Variants in PACRG observed in about 807,000 individuals in gnomAD.
PACRG encodes the protein parkin coregulated gene protein.
Under a neutral mutation model 29.7 loss-of-function variants are expected in PACRG, and 29 were observed. The ratio of observed to expected loss-of-function variants is 0.98; its 90% CI spans 0.73 to 1.33. The LOEUF (loss-of-function observed/expected upper bound fraction) is 1.33. Among genes scored for constraint, PACRG ranks in the 40% most tolerant of loss-of-function variants. The pLI, the probability that PACRG is intolerant of heterozygous loss-of-function variation, is 0.00. For missense variants in PACRG, 279 were observed against 316.2 expected (o/e 0.88, Z 0.89); for synonymous variants, 116 against 118.7 (o/e 0.98, Z 0.15).
intron 1 of PACRG, among the ~76,000 whole-genome samples, chr6:162,737,257 C>T (rs1257608951): frequency 6.6e-6 from 1 of 152,122 alleles, no homozygotes; most frequent in Non-Finnish European, 1.5e-5. Context: ...ACCTCTGAAA[C>T]CTATTCATGA....
intron 4 of PACRG, among the ~76,000 whole-genome samples, chr6:163,290,276 G>GCACA (rs1451417317): frequency 1.6e-4 from 20 of 127,708 alleles, no homozygotes; most frequent in East Asian, 8.6e-4. Context: ...ACGCGCGCGC[G>GCACA]CGCACACACA....
At position 163,095,272 on chromosome 6, in the gene PACRG, C is replaced by T. The variant is rs1814467408; in HGVS notation, c.613+5864C>T. On this transcript the variant is annotated intron_variant, in intron 4 of 4. Transcript: ENST00000366888. ...TCAACCCAAATCCACTTATAAAAAGCATCAGGGGAGTGGGGTCAGTCACAA... is the reference window on the plus strand; with the variant it reads ...TCAACCCAAATCCACTTATAAAAAGTATCAGGGGAGTGGGGTCAGTCACAA... The T allele has an allele frequency of 7.1e-6, 7 of 985,186 alleles. No individual in the cohort carries two copies. The South Asian group carries it at 2.3e-4, about 33-fold the overall frequency. The allele number at this position is 985,186 out of a possible 1,614,324, so 61.0% of individuals were successfully genotyped here.
chr6:162,727,673 A>C (rs1365817382), upstream of PACRG: 1 of 1,581,270 alleles, frequency 6.3e-7, no homozygotes, highest in South Asian at 1.2e-5. Context: ...TATCATGGTC[A>C]CTGGGTAGGT....
intron 4 of PACRG, among the ~76,000 whole-genome samples, chr6:163,274,542 T>TA (rs1783956820): frequency 6.6e-6 from 1 of 152,232 alleles, no homozygotes; most frequent in South Asian, 2.1e-4. Context: ...TTTGGGTATA[T>TA]AGCCAGTAAT....
intron 2 of PACRG, among the ~76,000 whole-genome samples, chr6:163,039,575 G>A (rs540964244): frequency 5.9e-5 from 9 of 152,216 alleles, no homozygotes; most frequent in Non-Finnish European, 1.3e-4. Context: ...TGAAGTCCAG[G>A]CTGAGGTGGT....
In PACRG at chr6:163,179,589, C is replaced by G. The variant is rs112034761; in HGVS notation, c.613+90181C>G. On this transcript the variant is annotated intron_variant, in intron 4 of 4. Coordinates refer to ENST00000366888, the MANE Select transcript of PACRG (RefSeq NM_001080379.2). ...GGTGTGTTGGCACGTGCCTGTAGTC[C>G]CTGCTACTCGGGAGGCCGAGATGGG... Among the ~76,000 whole-genome samples, 1,075 of 151,956 alleles carry G rather than the reference C, an allele frequency of 7.1e-3. 9 individuals carry two copies. Among genetic ancestry groups the G allele is most frequent in the African/African-American group, 0.025 (1,022 of 41,414 alleles).
intron 3 of PACRG, among the ~76,000 whole-genome samples, chr6:163,080,156 C>T (rs1005454715): frequency 6.6e-6 from 1 of 152,060 alleles, no homozygotes; most frequent in Non-Finnish European, 1.5e-5. Context: ...CCTCGGCCTC[C>T]CAAAGTGCTG....
At chr6:163,105,446 T>C (rs1471870347) in intron 4 of PACRG, among the ~76,000 whole-genome samples, 4 of 152,198 alleles carry the variant, frequency 2.6e-5, no homozygotes, top group Non-Finnish European at 4.4e-5. Context: ...AATTATGCAG[T>C]TAATATTATC....
intron 2 of PACRG, among the ~76,000 whole-genome samples, chr6:163,054,722 A>G (rs906616281): frequency 6.6e-6 from 1 of 152,144 alleles, no homozygotes; most frequent in African/African-American, 2.4e-5. Flanking sequence ...GCTTCCCACC[A>G]GCCATCCTCA....
chr6:162,943,273 T>G (rs1201575766), intron 2 of PACRG, among the ~76,000 whole-genome samples: 1 of 152,100 alleles, frequency 6.6e-6, no homozygotes, highest in Non-Finnish European at 1.5e-5. Flanking sequence ...CCCCACATCT[T>G]TACATCCCTG....
Position 162,829,236 on chromosome 6 carries a change from G to A in PACRG, c.291+14955G>A, listed in dbSNP as rs142339184. On this transcript the variant is annotated intron_variant, in intron 2 of 4. Coordinates refer to ENST00000366888, the MANE Select transcript of PACRG (RefSeq NM_001080379.2). ...TAGATTGTCTTTAGAGAGGGCACAC[G>A]AAAGCAAGCCCCAAATGCAGGCAAG... 4.6e-5 allele frequency among the ~76,000 whole-genome samples: 7 copies of A among 152,308 alleles called. No individual in the cohort carries two copies. In the East Asian group the frequency reaches 1.4e-3, roughly 29 times the overall value.
chr6:163,269,956 AAAGAAAGAAAG>A lies in PACRG; in HGVS notation c.614-44868_614-44858del, dbSNP rs1412272345. ...CAAAGAAAGAAAGAAAGAAAGAAAGAAAGAAAGAAAGAAAGAAAGAAAGAAAGAAAGAAAGA... is the reference window on the plus strand; with the variant it reads ...CAAAGAAAGAAAGAAAGAAAGAAAGAAAAGAAAGAAAGAAAGAAAGAAAGA... On this transcript the variant is annotated intron_variant, in intron 4 of 4. Coordinates refer to ENST00000366888, the MANE Select transcript of PACRG (RefSeq NM_001080379.2). Among the ~76,000 whole-genome samples the A allele has an allele frequency of 1.5e-3, 103 of 68,904 alleles. 20 individuals carry two copies. Among genetic ancestry groups the A allele is most frequent in the African/African-American group, 6.3e-3 (81 of 12,764 alleles). 45.2% of individuals were successfully genotyped at this position (68,904 alleles called of 152,430 possible).
intron 2 of PACRG, among the ~76,000 whole-genome samples, chr6:162,958,848 AGC>A (rs1198631383): frequency 2.8e-5 from 2 of 70,706 alleles, no homozygotes; most frequent in Non-Finnish European, 5.8e-5. Context: ...GCATATATAG[AGC>A]ATATATATAT....
At chr6:162,955,687 G>A (rs978517150) in intron 2 of PACRG, among the ~76,000 whole-genome samples, 4 of 152,134 alleles carry the variant, frequency 2.6e-5, no homozygotes, top group Non-Finnish European at 5.9e-5. Flanking sequence ...CTGCCTCAAC[G>A]TTTTGATATT....
In PACRG at chr6:163,078,886, T is replaced by C. The variant is rs537462344; in HGVS notation, c.464-10373T>C. Among the ~76,000 whole-genome samples the C allele has an allele frequency of 2.0e-5, 3 of 152,270 alleles. No individual in the cohort carries two copies. The South Asian group carries it at 6.2e-4, about 32-fold the overall frequency. The stretch of plus-strand genomic sequence containing the variant: ...TCGAATGCCTGCTCAAAGTCCACCC[T>C]AGATTCTATGTTTGCTGTGCCGCTT... On this transcript the variant is annotated intron_variant, in intron 3 of 4. Coordinates refer to ENST00000366888, the MANE Select transcript of PACRG (RefSeq NM_001080379.2).
At chr6:162,865,569 T>G (rs1230519208) in intron 2 of PACRG, among the ~76,000 whole-genome samples, 1 of 152,170 alleles carries the variant, frequency 6.6e-6, no homozygotes, top group Non-Finnish European at 1.5e-5. Flanking sequence ...ATAATTCCAC[T>G]CAACTCTGCT....
chr6:163,048,456 A>G (rs138526962), intron 2 of PACRG, among the ~76,000 whole-genome samples: 1,908 of 152,282 alleles, frequency 0.013, 48 homozygotes, highest in African/African-American at 0.043. Flanking sequence ...GATATGGCCT[A>G]TTTGGCCATC....
intron 4 of PACRG, among the ~76,000 whole-genome samples, chr6:163,284,190 A>G (rs1784313867): frequency 6.6e-6 from 1 of 152,244 alleles, no homozygotes; most frequent in South Asian, 2.1e-4. Context: ...AGAATTATAC[A>G]ATTATAAAAC....
chr6:162,731,143 G>C (rs1449226743), intron 1 of PACRG, among the ~76,000 whole-genome samples: 1 of 152,088 alleles, frequency 6.6e-6, no homozygotes, highest in Non-Finnish European at 1.5e-5. Flanking sequence ...AATATTAAAG[G>C]TTGAGTATTC....
Sources: allele counts gnomAD v4.1 joint callset (sites outside exome capture counted in the v4.1 genomes callset), GRCh38; gene constraint gnomAD v4.1.1; transcripts MANE v1.5; gene names NCBI Gene and HGNC (gene_info 2026-07-23, HGNC 2026-07-21).